PATL2: variants seen among roughly 807,000 people sequenced by gnomAD.
PATL2 encodes the protein protein PAT1 homolog 2.
PATL2 carries 73 observed loss-of-function variants against 77.0 expected under a neutral mutation model. The observed-to-expected ratio is 0.95, with a 90% CI of 0.78 to 1.15. PATL2 has a LOEUF of 1.15. Among genes scored for constraint, PATL2 ranks in the 50% most tolerant of loss-of-function variants. PATL2 has a pLI of 0.00. For synonymous variants in PATL2, 265 were observed against 257.1 expected, an observed-to-expected ratio of 1.03 and a Z score of -0.29; for missense variants, 618 against 655.4, an observed-to-expected ratio of 0.94 and a Z score of 0.62.
intron 3 of PATL2, among the ~76,000 whole-genome samples, chr15:44,677,688 A>G (rs904709309): frequency 2.0e-5 from 3 of 152,154 alleles, no homozygotes; most frequent in Non-Finnish European, 2.9e-5. Context: ...TAATTTCCCT[A>G]CATCAAAAAT....
At chr15:44,697,138 C>G (rs1488794814) in intron 3 of PATL2, among the ~76,000 whole-genome samples, 1 of 151,710 alleles carries the variant, frequency 6.6e-6, no homozygotes, top group Non-Finnish European at 1.5e-5. Context: ...TCTTCTCCTC[C>G]TCCTCCCTCT....
chr15:44,676,973 A>G (rs2085991093), intron 3 of PATL2: 3 of 943,962 alleles, frequency 3.2e-6, no homozygotes, highest in Admixed American at 5.5e-5. Flanking sequence ...CTGCTCACCC[A>G]TTAAAGGGCT....
intron 3 of PATL2, among the ~76,000 whole-genome samples, chr15:44,695,644 C>A (rs2086488175): frequency 6.6e-6 from 1 of 152,160 alleles, no homozygotes; most frequent in African/African-American, 2.4e-5. Context: ...TCTGTCACTA[C>A]AGAGACAGCT....
In PATL2 at chr15:44,668,356, C is replaced by A. The variant is rs1355912800; in HGVS notation, c.1351G>T (p.Val451Leu). Residue 451 changes from valine (V) to leucine (L), a missense_variant, in exon 15 of 18, where the codon GTG becomes TTG. Physicochemically the swap from Val to Leu is conservative, Grantham distance 32. Coordinates refer to ENST00000682850, the MANE Select transcript of PATL2 (RefSeq NM_001387263.1). ...PGSSERPVTV[V>L]LQNQFGISLL... ...AGACATGTTACCTGATTCTGAAGCA[C>A]CACGGTGACTGGCCGCTCTGAGGAG... is the stretch of plus-strand genomic sequence containing the variant. 1 of 1,550,890 alleles carries A rather than the reference C, an allele frequency of 6.4e-7. No individual in the cohort carries two copies. Among genetic ancestry groups the A allele is most frequent in the Non-Finnish European group, 8.7e-7 (1 of 1,146,936 alleles).
intron 14 of PATL2, 78 bp downstream of exon 14, chr15:44,668,902 C>T (rs2085517647): frequency 2.8e-6 from 4 of 1,422,744 alleles, no homozygotes; most frequent in Non-Finnish European, 3.7e-6. Context: ...ATCTCTGGGG[C>T]ATGTGGGGAC....
At chr15:44,673,465 C>T in intron 6 of PATL2, 88 bp from the exon 7 acceptor site, 2 of 1,475,800 alleles carry the variant, frequency 1.4e-6, no homozygotes, top group African/African-American at 1.4e-5. Flanking sequence ...CCTTTCCTAC[C>T]TTTTCCCCTC....
In PATL2 at chr15:44,688,077, T is replaced by C. The variant is rs2086302009; in HGVS notation, c.-75-11512A>G. 2.6e-5 allele frequency among the ~76,000 whole-genome samples: 4 copies of C among 151,858 alleles called. 1 individual carries two copies. The highest frequency in any genetic ancestry group is 1.3e-4 in the Admixed American group (2 of 15,248). On this transcript the variant is annotated intron_variant, in intron 3 of 17. Coordinates refer to ENST00000682850, the MANE Select transcript of PATL2 (RefSeq NM_001387263.1). Reference sequence around the variant, plus strand: ...CCTGGCTAACACAGTGAAAACCATCTCTACTAAAAATACAAAAAATTAGCC... The same window carrying C: ...CCTGGCTAACACAGTGAAAACCATCCCTACTAAAAATACAAAAAATTAGCC...
chr15:44,672,482 G>C (rs1300984590), intron 7 of PATL2, 26 bp from the exon 8 acceptor site: 1 of 1,543,828 alleles, frequency 6.5e-7, no homozygotes. Context: ...GTAACGAGCT[G>C]GGTGGAAGGA....
At position 44,669,042 on chromosome 15, in the gene PATL2, T is replaced by C. The variant is rs547858282; in HGVS notation, c.1162A>G (p.Thr388Ala). Residue 388 changes from threonine to alanine, a missense_variant, in exon 14 of 18, where the codon ACC (threonine) becomes GCC (alanine). Physicochemically the swap from Thr to Ala is moderately conservative, Grantham distance 58. Coordinates refer to ENST00000682850, the MANE Select transcript of PATL2 (RefSeq NM_001387263.1). ...LPFLPQDQAV[T>A]ILLAITHHLP... ...TGGTGGGTGATAGCCAAAAGAATGG[T>C]AACAGCCTGATCCTGGGGCAGGAAG... 2 of 1,550,956 alleles carry C rather than the reference T, an allele frequency of 1.3e-6. No individual in the cohort carries two copies. The highest frequency in any genetic ancestry group is 1.7e-6 in the Non-Finnish European group (2 of 1,146,696).
intron 15 of PATL2, 128 bp from the exon 16 acceptor site, chr15:44,667,331 A>G (rs2085426714): frequency 1.4e-6 from 1 of 693,486 alleles, no homozygotes; most frequent in Non-Finnish European, 2.5e-6. Context: ...AATATCCACA[A>G]GTGCTGTCAG....
rs770709850 is a variant in PATL2, at chr15:44,666,423, G to A, written c.1582C>T (p.Gln528Ter). The change falls in exon 17 of 18, where the codon CAA (glutamine) becomes TAA (stop). Residue 528 changes from glutamine to a stop codon, truncating the protein, a stop_gained. Transcript: ENST00000682850. LOFTEE classifies it high-confidence loss of function. ...CTGGCCTCCAGCTGCTGAACCAATTGTTTGTCCACGTGGTGACAGAACAGG... is the reference window on the plus strand; with the variant it reads ...CTGGCCTCCAGCTGCTGAACCAATTATTTGTCCACGTGGTGACAGAACAGG... ...LPLFCHHVDKQLVQQLEARME... is the reference protein window; with the variant it reads ...LPLFCHHVDK The A allele has an allele frequency of 1.4e-5, 21 of 1,551,584 alleles. No individual in the cohort carries two copies. The highest frequency in any genetic ancestry group is 1.7e-5 in the Non-Finnish European group (19 of 1,147,004).
chr15:44,701,863 C>G (rs1293012149), intron 3 of PATL2, among the ~76,000 whole-genome samples: 1 of 151,974 alleles, frequency 6.6e-6, no homozygotes, highest in Non-Finnish European at 1.5e-5. Context: ...AGAAGGGTGC[C>G]AGGCACTTCA....
At chr15:44,680,507 G>A (rs532241800) in intron 3 of PATL2, among the ~76,000 whole-genome samples, 5 of 152,100 alleles carry the variant, frequency 3.3e-5, no homozygotes, top group African/African-American at 9.7e-5. Context: ...ACTTCCAGGT[G>A]GGGGGCTCTC....
At chr15:44,710,787 C>T (rs778499471) in intron 2 of PATL2, among the ~76,000 whole-genome samples, 84 bp downstream of exon 2, 39 of 152,100 alleles carry the variant, frequency 2.6e-4, no homozygotes, top group Non-Finnish European at 3.8e-4. Flanking sequence ...GCTCTAAAGC[C>T]CTAGCAGTTA....
At chr15:44,676,744 A>C in intron 3 of PATL2, 179 bp from the exon 4 acceptor site, 1 of 1,255,136 alleles carries the variant, frequency 8.0e-7, no homozygotes, top group Non-Finnish European at 1.0e-6. Flanking sequence ...GCTCGGCTCT[A>C]GGGAGCTGTC....
intron 4 of PATL2, 146 bp downstream of exon 4, chr15:44,676,329 A>T: frequency 1.3e-6 from 1 of 755,410 alleles, no homozygotes; most frequent in South Asian, 1.6e-5. Flanking sequence ...GTGACCTTTC[A>T]GTCACCCATT....
chr15:44,695,202 T>G, intron 3 of PATL2, among the ~76,000 whole-genome samples: 1 of 150,120 alleles, frequency 6.7e-6, no homozygotes. Context: ...AAAAAAGCAG[T>G]TAGGGTTACC....
intron 9 of PATL2, 115 bp from the exon 10 acceptor site, chr15:44,670,202 A>T: frequency 2.9e-6 from 4 of 1,397,010 alleles, no homozygotes; most frequent in South Asian, 1.4e-5. Context: ...TGTGTGTGTT[A>T]TAAGTTTTGT....
chr15:44,704,889 A>G (rs1357261732), intron 3 of PATL2, among the ~76,000 whole-genome samples: 2 of 152,112 alleles, frequency 1.3e-5, no homozygotes, highest in Non-Finnish European at 2.9e-5. Flanking sequence ...TTCATATTTC[A>G]AGGATATTTC....
Sources: allele counts gnomAD v4.1 joint callset (sites outside exome capture counted in the v4.1 genomes callset), GRCh38; gene constraint gnomAD v4.1.1; transcripts MANE v1.5; gene names NCBI Gene and HGNC (gene_info 2026-07-23, HGNC 2026-07-21).